Variants in C22orf42 observed in about 807,000 individuals in gnomAD.
The protein encoded by C22orf42 is uncharacterized protein C22orf42.
Under a neutral mutation model 31.4 loss-of-function variants are expected in C22orf42, and 24 were observed. That is an observed-to-expected ratio of 0.77 (90% CI 0.55 to 1.08). C22orf42 has a LOEUF of 1.08. Among genes scored for constraint, C22orf42 ranks in the 50% least tolerant of loss-of-function variants. The pLI is 0.00. For synonymous variants in C22orf42, 96 were observed against 112.7 expected, an observed-to-expected ratio of 0.85 and a Z score of 0.94; for missense variants, 276 against 327.3, an observed-to-expected ratio of 0.84 and a Z score of 1.21.
Position 32,149,429 on chromosome 22 carries a change from G to A in C22orf42, c.*111C>T, listed in dbSNP as rs1183137772. 1.6e-6 allele frequency: 2 copies of A among 1,281,510 alleles called. No homozygotes were observed. Among genetic ancestry groups the A allele is most frequent in the African/African-American group, 3.0e-5 (2 of 67,004 alleles). 79.4% of individuals were successfully genotyped at this position (1,281,510 alleles called of 1,614,324 possible). A position where few individuals can be genotyped will look rare whatever the true frequency, so the allele number is the denominator to read the frequency against. On this transcript the variant is annotated 3_prime_UTR_variant, in exon 9 of 9. Coordinates refer to ENST00000382097, the MANE Select transcript of C22orf42 (RefSeq NM_001010859.3). ...GTCACTGTTCACAGGTGCTCAGTAG[G>A]AAGAGAGAGAGGCTTGTGATTTTTT...
intron 1 of C22orf42, among the ~76,000 whole-genome samples, chr22:32,154,601 C>A (rs1016979875): frequency 2.6e-5 from 4 of 152,170 alleles, no homozygotes; most frequent in Non-Finnish European, 5.9e-5. Flanking sequence ...ATCCAAGTCA[C>A]CAAGAATGGC....
chr22:32,154,032 C>A (rs1325617927), intron 2 of C22orf42, among the ~76,000 whole-genome samples: 1 of 151,908 alleles, frequency 6.6e-6, no homozygotes, highest in Non-Finnish European at 1.5e-5. Flanking sequence ...CACACACACA[C>A]ACACACACAA....
chr22:32,150,897 A>G, intron 6 of C22orf42, 95 bp downstream of exon 6: 1 of 1,279,392 alleles, frequency 7.8e-7, no homozygotes, highest in Non-Finnish European at 1.1e-6. Context: ...CAACCCTGTG[A>G]ATATAGTAAA....
In C22orf42 at chr22:32,151,468, A is replaced by T. The variant is rs1352456355; in HGVS notation, c.465+19T>A. On this transcript the variant is annotated intron_variant, in intron 5 of 8. Transcript: ENST00000382097. Reference sequence around the variant, plus strand: ...AAAACAAAAAGCATTTCTCTTCCAGAGAAAGAAATACATCTTACAATATCT... The same window carrying T: ...AAAACAAAAAGCATTTCTCTTCCAGTGAAAGAAATACATCTTACAATATCT... 1 of 1,609,222 alleles carries T rather than the reference A, an allele frequency of 6.2e-7. No homozygotes were observed. The highest frequency in any genetic ancestry group is 8.5e-7 in the Non-Finnish European group (1 of 1,175,482).
chr22:32,159,160 C>A lies in C22orf42; in HGVS notation c.56G>T (p.Cys19Phe). Residue 19 changes from cysteine (C) to phenylalanine (F), a missense_variant, in exon 1 of 9, where the codon TGC becomes TTC. Physicochemically the swap from Cys to Phe is radical, Grantham distance 205. Coordinates refer to ENST00000382097, the MANE Select transcript of C22orf42 (RefSeq NM_001010859.3). ...LGPSGGLNCD[C>F]CRPDVGPCHE... is the part of the protein sequence containing the mutation. ...GCAGGGTCCCACATCTGGCCTGCAG[C>A]AGTCACAGTTGAGGCCCCCGCTGGG... is the stretch of plus-strand genomic sequence containing the variant. 1 of 1,614,180 alleles carries A rather than the reference C, an allele frequency of 6.2e-7. No individual in the cohort carries two copies.
rs1473111397 is a variant in C22orf42, at chr22:32,149,531, C to T, written c.*9G>A. 1 of 1,530,564 alleles carries T rather than the reference C, an allele frequency of 6.5e-7. No homozygotes were observed. Among genetic ancestry groups the T allele is most frequent in the African/African-American group, 1.4e-5 (1 of 72,552 alleles). The allele number at this position is 1,530,564 out of a possible 1,614,324, so 94.8% of individuals were successfully genotyped here. The stretch of plus-strand genomic sequence containing the variant: ...TGGCAGGCGTCTGTAATCCCAGCTA[C>T]TTGGAACACTAAAGCCGGAGAAGTC... On this transcript the variant is annotated 3_prime_UTR_variant, in exon 9 of 9. Coordinates refer to ENST00000382097, the MANE Select transcript of C22orf42 (RefSeq NM_001010859.3).
rs139172262 is a variant in C22orf42 at position 32,150,167 on chromosome 22, G to A, written c.654+152C>T. On this transcript the variant is annotated intron_variant, in intron 7 of 8. Transcript: ENST00000382097. ...TAAGACCTGGTGGACGATGGCAATCGAATATGATATTCCCTTGATATTCCA... is the reference window on the plus strand; with the variant it reads ...TAAGACCTGGTGGACGATGGCAATCAAATATGATATTCCCTTGATATTCCA... 441 of 791,018 alleles carry A rather than the reference G, an allele frequency of 5.6e-4. 3 individuals carry two copies. The East Asian group carries it at 9.3e-3, about 17-fold the overall frequency. The allele number at this position is 791,018 out of a possible 1,614,324, so 49.0% of individuals were successfully genotyped here.
chr22:32,158,836 C>G, intron 1 of C22orf42, 148 bp downstream of exon 1: 1 of 855,696 alleles, frequency 1.2e-6, no homozygotes, highest in South Asian at 1.6e-5. Flanking sequence ...CAGCCTTTGT[C>G]CCCCATGCCT....
chr22:32,152,614 T>G lies in C22orf42; in HGVS notation c.320A>C (p.Asp107Ala). 1 of 1,613,748 alleles carries G rather than the reference T, an allele frequency of 6.2e-7. No homozygotes were observed. Among genetic ancestry groups the G allele is most frequent in the South Asian group, 1.1e-5 (1 of 91,070 alleles). ...ACCGCCGTGTGCAGACGCCTGCACA[T>G]CTTCAGTGGGACCTAGGAGAACACA... is the stretch of plus-strand genomic sequence containing the variant. ...WPLENIGPTE[D>A]VQASAHGGVE... Residue 107 changes from aspartate to alanine, a missense_variant, in exon 3 of 9, where the codon GAT (aspartate) becomes GCT (alanine). Asp to Ala is a moderately radical substitution (Grantham distance 126). Transcript: ENST00000382097.
intron 3 of C22orf42, 47 bp from the exon 4 acceptor site, chr22:32,152,141 G>A (rs543816958): frequency 6.3e-7 from 1 of 1,585,522 alleles, no homozygotes; most frequent in South Asian, 1.2e-5. Context: ...ATCAGATCAT[G>A]CTGGGTTCTG....
chr22:32,150,244 A>G (rs1182377077), intron 7 of C22orf42, 75 bp downstream of exon 7: 4 of 1,431,614 alleles, frequency 2.8e-6, no homozygotes, highest in African/African-American at 1.4e-5. Context: ...TCAGATTTTT[A>G]TATCTTCATT....
chr22:32,152,340 A>G lies in C22orf42; in HGVS notation c.372+222T>C, dbSNP rs542028179. Among the ~76,000 whole-genome samples, 244 of 151,930 alleles carry G rather than the reference A, an allele frequency of 1.6e-3. 1 individual carries two copies. Among genetic ancestry groups the G allele is most frequent in the African/African-American group, 5.7e-3 (235 of 41,202 alleles). ...TTTCAAGGAGAAAAGGTTGCTACTG[A>G]GAAATACACTCACTACCAAACAGTT... On this transcript the variant is annotated intron_variant, in intron 3 of 8. Coordinates refer to ENST00000382097, the MANE Select transcript of C22orf42 (RefSeq NM_001010859.3).
upstream of C22orf42, chr22:32,159,355 A>G (rs1293260848): frequency 1.0e-5 from 15 of 1,439,092 alleles, no homozygotes; most frequent in South Asian, 4.4e-5. Flanking sequence ...CTCCTATGTC[A>G]CCTGGTTGCC....
chr22:32,154,183 C>T (rs1921133227), intron 2 of C22orf42, 61 bp downstream of exon 2: 1 of 1,593,144 alleles, frequency 6.3e-7, no homozygotes, highest in East Asian at 2.2e-5. Flanking sequence ...ATATGGAGCA[C>T]TGAATGAATA....
At chr22:32,152,485 T>G in intron 3 of C22orf42, 77 bp downstream of exon 3, 1 of 1,263,126 alleles carries the variant, frequency 7.9e-7, no homozygotes, top group Non-Finnish European at 1.2e-6. Context: ...CAGTCAAAAA[T>G]GATACTCACT....
intron 6 of C22orf42, 65 bp from the exon 7 acceptor site, chr22:32,150,544 G>T (rs2094111113): frequency 6.5e-7 from 1 of 1,546,580 alleles, no homozygotes; most frequent in South Asian, 1.1e-5. Context: ...GAGCCTTGGG[G>T]GATGTGGACC....
intron 6 of C22orf42, chr22:32,150,712 C>A: frequency 1.6e-6 from 1 of 624,074 alleles, no homozygotes; most frequent in Non-Finnish European, 2.9e-6. Context: ...GTGAAATAGT[C>A]ACCTTAAGAA....
rs1603174219 is a variant in C22orf42, at chr22:32,149,148, G to A, written c.*392C>T. ...TAGCACAGTACTAGCACAAAATAAG[G>A]AGTCAGTTAATATTAGTTCTTCTTC... is the stretch of plus-strand genomic sequence containing the variant. On this transcript the variant is annotated 3_prime_UTR_variant, in exon 9 of 9. Transcript: ENST00000382097. 6.4e-6 allele frequency: 1 copy of A among 156,352 alleles called. No individual in the cohort carries two copies. The highest frequency in any genetic ancestry group is 2.0e-4 in the South Asian group (1 of 5,098). The allele number at this position is 156,352 out of a possible 1,614,324, so 9.7% of individuals were successfully genotyped here. A position where few individuals can be genotyped will look rare whatever the true frequency, so the allele number is the denominator to read the frequency against.
intron 1 of C22orf42, among the ~76,000 whole-genome samples, chr22:32,156,181 A>G (rs1921250858): frequency 6.6e-6 from 1 of 152,242 alleles, no homozygotes; most frequent in African/African-American, 2.4e-5. Flanking sequence ...AGCAGCTCAT[A>G]TGTACCTTTT....
Sources: allele counts gnomAD v4.1 joint callset (sites outside exome capture counted in the v4.1 genomes callset), GRCh38; gene constraint gnomAD v4.1.1; transcripts MANE v1.5; gene names NCBI Gene and HGNC (gene_info 2026-07-23, HGNC 2026-07-21).